Variants in CDC25A observed in about 807,000 individuals in gnomAD.
CDC25A encodes the protein cell division cycle 25A, also known as M-phase inducer phosphatase 1.
A neutral mutation model predicts 64.6 loss-of-function variants in CDC25A; 17 were observed. That is an observed-to-expected ratio of 0.26 (90% CI 0.18 to 0.39). The LOEUF (loss-of-function observed/expected upper bound fraction) is 0.39. Among genes scored for constraint, CDC25A ranks in the 10% least tolerant of loss-of-function variants. CDC25A has a pLI of 1.00. For synonymous variants in CDC25A, 229 were observed against 238.6 expected (o/e 0.96, Z 0.37); for missense variants, 473 against 654.8 (o/e 0.72, Z 3.03).
intron 9 of CDC25A, among the ~76,000 whole-genome samples, chr3:48,169,837 GTC>G (rs1304785228): frequency 1.3e-5 from 2 of 151,812 alleles, no homozygotes; most frequent in Non-Finnish European, 2.9e-5. Context: ...GTGAAACCCC[GTC>G]TCTACTAAAA....
chr3:48,159,325 TCCA>T lies in CDC25A; in HGVS notation c.1434+16_1434+18del. ...TGGGGGCAGGGGAGGAGAGATGCTC[TCCA>T]CAACCCCAGTCTTACCTGGCATTTC... is the stretch of plus-strand genomic sequence containing the variant. On this transcript the variant is annotated intron_variant, in intron 14 of 14. Coordinates refer to ENST00000302506, the MANE Select transcript of CDC25A (RefSeq NM_001789.3). The T allele has an allele frequency of 6.4e-7, 1 of 1,551,500 alleles. No individual in the cohort carries two copies. Among genetic ancestry groups the T allele is most frequent in the South Asian group, 1.1e-5 (1 of 89,830 alleles).
At chr3:48,169,927 G>A (rs1463544201) in intron 9 of CDC25A, among the ~76,000 whole-genome samples, 1 of 151,896 alleles carries the variant, frequency 6.6e-6, no homozygotes, top group Non-Finnish European at 1.5e-5. Flanking sequence ...GAGAATTGCT[G>A]GAACCTGAGA....
At chr3:48,183,770 T>G in intron 4 of CDC25A, 30 bp downstream of exon 4, 1 of 1,444,614 alleles carries the variant, frequency 6.9e-7, no homozygotes. Flanking sequence ...TAACAGGTAT[T>G]AGCTCAAAAT....
chr3:48,168,818 A>C (rs2032158512), intron 9 of CDC25A, among the ~76,000 whole-genome samples: 2 of 151,566 alleles, frequency 1.3e-5, no homozygotes, highest in South Asian at 4.2e-4. Flanking sequence ...ACGCCCAGCT[A>C]ATTTTTGTAT....
chr3:48,165,261 G>A (rs2031957833), intron 12 of CDC25A, among the ~76,000 whole-genome samples: 1 of 152,086 alleles, frequency 6.6e-6, no homozygotes. Flanking sequence ...CATGTTGCCA[G>A]AGATGGTCTT....
At chr3:48,160,830 C>A (rs1286315554) in intron 13 of CDC25A, among the ~76,000 whole-genome samples, 1 of 152,128 alleles carries the variant, frequency 6.6e-6, no homozygotes, top group Admixed American at 6.6e-5. Flanking sequence ...GCTTCCTCTG[C>A]AGCACGTAGC....
intron 9 of CDC25A, 133 bp downstream of exon 9, chr3:48,174,151 C>CACA: frequency 1.5e-6 from 1 of 673,256 alleles, no homozygotes; most frequent in South Asian, 2.2e-5. Flanking sequence ...ACACACACAC[C>CACA]CACACACACA....
rs141422388 is a variant in CDC25A, at chr3:48,184,022, T to C, written c.291-186A>G. On this transcript the variant is annotated intron_variant, in intron 3 of 14. Coordinates refer to ENST00000302506, the MANE Select transcript of CDC25A (RefSeq NM_001789.3). The stretch of plus-strand genomic sequence containing the variant: ...AGGAGCACCCCCAACACTAGACTTC[T>C]AGGTGAAAAAAAACAAACCCATGTC... Among the ~76,000 whole-genome samples, 26 of 152,114 alleles carry C rather than the reference T, an allele frequency of 1.7e-4. No individual in the cohort carries two copies. In the East Asian group the frequency reaches 4.6e-3, roughly 27 times the overall value.
chr3:48,168,937 C>A (rs1194323529), intron 9 of CDC25A, among the ~76,000 whole-genome samples: 1 of 152,082 alleles, frequency 6.6e-6, no homozygotes, highest in Non-Finnish European at 1.5e-5. Flanking sequence ...CAGGTGTGAG[C>A]CACCGCGCCC....
intron 8 of CDC25A, chr3:48,174,706 C>T (rs2032395007): frequency 3.2e-6 from 1 of 313,048 alleles, no homozygotes; most frequent in Admixed American, 4.9e-5. Flanking sequence ...GTCCTTTGCC[C>T]TCACAAAAAC....
At chr3:48,169,335 C>G (rs2032179171) in intron 9 of CDC25A, among the ~76,000 whole-genome samples, 1 of 152,222 alleles carries the variant, frequency 6.6e-6, no homozygotes, top group Non-Finnish European at 1.5e-5. Context: ...TCACCAATGG[C>G]TGCCTGGCAC....
intron 13 of CDC25A, among the ~76,000 whole-genome samples, chr3:48,162,733 A>C (rs2031830358): frequency 6.6e-6 from 1 of 152,092 alleles, no homozygotes; most frequent in African/African-American, 2.4e-5. Flanking sequence ...CTGTAGTCCC[A>C]GCTACTCGGG....
At chr3:48,185,904 A>T (rs1294369685) in intron 2 of CDC25A, among the ~76,000 whole-genome samples, 2 of 152,208 alleles carry the variant, frequency 1.3e-5, no homozygotes, top group African/African-American at 4.8e-5. Flanking sequence ...ATTACATTCT[A>T]CATACAGAAG....
Position 48,158,922 on chromosome 3 carries a change from G to A in CDC25A, c.*23C>T, listed in dbSNP as rs559315178. 3 of 1,613,432 alleles carry A rather than the reference G, an allele frequency of 1.9e-6. No homozygotes were observed. The East Asian group carries it at 6.7e-5, about 36-fold the overall frequency. On this transcript the variant is annotated 3_prime_UTR_variant, in exon 15 of 15. Transcript: ENST00000302506. ...AGGGGGATGGAGGGAAGCTTGGGCT[G>A]CTGCTGGCTGGTCCTGCCGCCCTCA... is the stretch of plus-strand genomic sequence containing the variant.
Position 48,187,856 on chromosome 3 carries a change from A to G in CDC25A, c.92T>C (p.Phe31Ser). The G allele has an allele frequency of 6.5e-7, 1 of 1,548,986 alleles. No homozygotes were observed. ...PASQPVVKAL[F>S]GASAAGGLSP... is the part of the protein sequence containing the mutation. The stretch of plus-strand genomic sequence containing the variant: ...CAGTCCCCCGGCGGCTGAAGCGCCA[A>G]ATAGCGCCTTCACGACGGGCTGCGA... The change falls in exon 1 of 15, where the codon TTT becomes TCT. Residue 31 changes from phenylalanine (F) to serine (S), a missense_variant. Physicochemically the swap from Phe to Ser is radical, Grantham distance 155 (BLOSUM62 -2). Transcript: ENST00000302506.
chr3:48,173,080 G>T (rs935340050), intron 9 of CDC25A, among the ~76,000 whole-genome samples: 21 of 151,820 alleles, frequency 1.4e-4, no homozygotes, highest in African/African-American at 4.8e-4. Context: ...TTAGCCAGGC[G>T]TGGTGGCGGG....
At chr3:48,180,884 T>C in intron 5 of CDC25A, 44 bp from the exon 6 acceptor site, 1 of 1,606,542 alleles carries the variant, frequency 6.2e-7, no homozygotes, top group Non-Finnish European at 8.5e-7. Flanking sequence ...GAAAACCAAC[T>C]CAGGCCTCAG....
chr3:48,177,888 C>A lies in CDC25A; in HGVS notation c.650G>T (p.Gly217Val). The change falls in exon 7 of 15, where the codon GGC becomes GTC. Residue 217 changes from glycine (G) to valine (V), a missense_variant. Physicochemically the swap from Gly to Val is moderately radical, Grantham distance 109. Transcript: ENST00000302506. The part of the protein sequence containing the change: ...VTATLSDEDD[G>V]FVDLLDGENL... Reference sequence around the variant, plus strand: ...CTCTCCATCGAGAAGGTCCACGAAGCCATCATCCTCATCAGACAAAGTGGC... The same window carrying A: ...CTCTCCATCGAGAAGGTCCACGAAGACATCATCCTCATCAGACAAAGTGGC... 1 of 1,614,034 alleles carries A rather than the reference C, an allele frequency of 6.2e-7. No homozygotes were observed. Among genetic ancestry groups the A allele is most frequent in the African/African-American group, 1.3e-5 (1 of 75,002 alleles).
intron 9 of CDC25A, among the ~76,000 whole-genome samples, chr3:48,169,081 T>C (rs1313923194): frequency 1.3e-5 from 2 of 152,358 alleles, no homozygotes; most frequent in Non-Finnish European, 2.9e-5. Flanking sequence ...CTGATTATTA[T>C]TGAAAAACAA....
Sources: gnomAD v4.1 joint callset for allele counts (sites outside exome capture counted in the v4.1 genomes callset) on GRCh38, gnomAD v4.1.1 for gene constraint, MANE v1.5 for transcripts, NCBI Gene and HGNC (gene_info 2026-07-23, HGNC 2026-07-21) for gene names.